Variants in RPS6KA5 observed in about 807,000 individuals in gnomAD.
The protein encoded by RPS6KA5 is ribosomal protein S6 kinase A5.
A neutral mutation model predicts 85.5 loss-of-function variants in RPS6KA5; 27 were observed. That is an observed-to-expected ratio of 0.32 (90% CI 0.23 to 0.44). The LOEUF (loss-of-function observed/expected upper bound fraction) is 0.44. Among genes scored for constraint, RPS6KA5 ranks in the 20% least tolerant of loss-of-function variants. The pLI is 1.00. For missense variants in RPS6KA5, 811 were observed against 980.9 expected (o/e 0.83, Z 2.31); for synonymous variants, 334 against 348.2 (o/e 0.96, Z 0.46).
Position 90,871,972 on chromosome 14 carries a change from A to C in RPS6KA5, c.*102T>G. The C allele has an allele frequency of 2.1e-6, 3 of 1,455,994 alleles. No individual in the cohort carries two copies. The East Asian group carries it at 6.8e-5, about 33-fold the overall frequency. 90.2% of individuals were successfully genotyped at this position (1,455,994 alleles called of 1,614,324 possible). On this transcript the variant is annotated 3_prime_UTR_variant, in exon 17 of 17. Coordinates refer to ENST00000614987, the MANE Select transcript of RPS6KA5 (RefSeq NM_004755.4). ...AAAAAATCATTAGGAGGCAGATTCCAATGAGACCAACGGGAAACATTTTTA... is the reference window on the plus strand; with the variant it reads ...AAAAAATCATTAGGAGGCAGATTCCCATGAGACCAACGGGAAACATTTTTA...
chr14:91,050,316 A>C (rs1209582259), intron 1 of RPS6KA5, among the ~76,000 whole-genome samples: 3 of 152,194 alleles, frequency 2.0e-5, no homozygotes, highest in African/African-American at 7.2e-5. Flanking sequence ...AAGAGTTTGA[A>C]GCTGCGGTGA....
chr14:90,859,164 C>T lies in RPS6KA5; in HGVS notation c.*12910G>A, dbSNP rs1203136574. Reference sequence around the variant, plus strand: ...CCATATGCTAGGAGTAAGAGCAAAACTGAAATGTACAAGCCCAACAAAGTC... The same window carrying T: ...CCATATGCTAGGAGTAAGAGCAAAATTGAAATGTACAAGCCCAACAAAGTC... On this transcript the variant is annotated 3_prime_UTR_variant, in exon 17 of 17. Transcript: ENST00000614987. The T allele has an allele frequency of 6.6e-6, 1 of 152,194 alleles. No homozygotes were observed. Among genetic ancestry groups the T allele is most frequent in the Non-Finnish European group, 1.5e-5 (1 of 68,048 alleles). The allele number at this position is 152,194 out of a possible 1,614,324, so 9.4% of individuals were successfully genotyped here.
chr14:90,978,799 A>G (rs1235196192), intron 2 of RPS6KA5, among the ~76,000 whole-genome samples: 1 of 152,180 alleles, frequency 6.6e-6, no homozygotes, highest in Non-Finnish European at 1.5e-5. Flanking sequence ...TTTTAGCTGT[A>G]GAAAACTAGC....
chr14:91,055,938 G>A (rs1032394613), intron 1 of RPS6KA5, among the ~76,000 whole-genome samples: 1 of 152,160 alleles, frequency 6.6e-6, no homozygotes, highest in Non-Finnish European at 1.5e-5. Context: ...AAGCCATCTC[G>A]GAAGGGGAAT....
chr14:91,014,095 T>C (rs1016799313), intron 1 of RPS6KA5, among the ~76,000 whole-genome samples: 8 of 152,216 alleles, frequency 5.3e-5, no homozygotes, highest in African/African-American at 1.7e-4. Context: ...TAGCATCTGT[T>C]AAAACTCACA....
At chr14:90,904,143 G>A (rs1453620862) in intron 8 of RPS6KA5, among the ~76,000 whole-genome samples, 4 of 152,108 alleles carry the variant, frequency 2.6e-5, no homozygotes, top group Non-Finnish European at 4.4e-5. Context: ...CAGAGACAGG[G>A]TTTCACTGTG....
At chr14:91,037,805 C>G (rs1448561074) in intron 1 of RPS6KA5, among the ~76,000 whole-genome samples, 1 of 152,200 alleles carries the variant, frequency 6.6e-6, no homozygotes, top group East Asian at 1.9e-4. Flanking sequence ...AATAAATTCT[C>G]CCTTATTCAT....
At chr14:90,909,972 C>T (rs1311666526) in intron 7 of RPS6KA5, among the ~76,000 whole-genome samples, 6 of 151,996 alleles carry the variant, frequency 3.9e-5, no homozygotes, top group African/African-American at 1.4e-4. Context: ...GATGGGGTTT[C>T]GCCATATTGG....
chr14:90,972,412 T>C (rs1426375222), intron 3 of RPS6KA5, among the ~76,000 whole-genome samples: 1 of 152,192 alleles, frequency 6.6e-6, no homozygotes, highest in East Asian at 1.9e-4. Context: ...ATAGTACTGG[T>C]ACATGACTTA....
intron 3 of RPS6KA5, among the ~76,000 whole-genome samples, chr14:90,976,694 T>C (rs61987420): frequency 0.011 from 1,729 of 152,208 alleles, 19 homozygotes; most frequent in Non-Finnish European, 0.02. Context: ...AAGGGCCAAA[T>C]TATATTGACT....
At chr14:90,984,462 G>A (rs1292827968) in intron 2 of RPS6KA5, among the ~76,000 whole-genome samples, 8 of 152,202 alleles carry the variant, frequency 5.3e-5, no homozygotes, top group Admixed American at 2.6e-4. Flanking sequence ...CATTTCTATA[G>A]GTTGGAAGAA....
At chr14:91,049,978 T>C (rs2043010195) in intron 1 of RPS6KA5, among the ~76,000 whole-genome samples, 2 of 152,240 alleles carry the variant, frequency 1.3e-5, no homozygotes, top group Admixed American at 6.5e-5. Flanking sequence ...CTACATGCAG[T>C]CTGCCATTGA....
intron 3 of RPS6KA5, among the ~76,000 whole-genome samples, chr14:90,972,175 C>T (rs1243784790): frequency 6.6e-6 from 1 of 152,158 alleles, no homozygotes; most frequent in Non-Finnish European, 1.5e-5. Context: ...TGTCAAGTCT[C>T]CCTAAATTAA....
chr14:90,853,045 T>G lies in RPS6KA5; in HGVS notation c.*19029A>C, dbSNP rs1158441850. 1 of 152,132 alleles carries G rather than the reference T, an allele frequency of 6.6e-6. No homozygotes were observed. Among genetic ancestry groups the G allele is most frequent in the Non-Finnish European group, 1.5e-5 (1 of 68,020 alleles). The allele number at this position is 152,132 out of a possible 1,614,324, so 9.4% of individuals were successfully genotyped here. On this transcript the variant is annotated 3_prime_UTR_variant, in exon 17 of 17. Coordinates refer to ENST00000614987, the MANE Select transcript of RPS6KA5 (RefSeq NM_004755.4). ...CGTGCCCGGCCTGGGAGAAACATTT[T>G]TAAGTGTGCAAAGCAGTCACAATGA... is the stretch of plus-strand genomic sequence containing the variant.
chr14:91,041,059 T>TTTTTTTC (rs915083997), intron 1 of RPS6KA5, among the ~76,000 whole-genome samples: 2 of 152,284 alleles, frequency 1.3e-5, no homozygotes, highest in East Asian at 1.9e-4. Flanking sequence ...CAGAGAATTT[T>TTTTTTTC]TTTTTTCTTT....
chr14:91,044,359 GAAAGAGAAAGAAAGAAGGAA>G (rs1279465890), intron 1 of RPS6KA5, among the ~76,000 whole-genome samples: 10 of 15,702 alleles, frequency 6.4e-4, no homozygotes, highest in African/African-American at 1.0e-3. Flanking sequence ...AAGAAAGAAA[GAAAGAGAAAGAAAGAAGGAA>G]AGAAAGAAAG....
intron 14 of RPS6KA5, among the ~76,000 whole-genome samples, chr14:90,887,587 T>C (rs1248313360): frequency 1.3e-5 from 2 of 152,088 alleles, no homozygotes; most frequent in African/African-American, 4.8e-5. Flanking sequence ...AATATTCAAA[T>C]TTCCCTAGCT....
Position 90,937,640 on chromosome 14 carries a change from T to C in RPS6KA5, c.618+5438A>G, listed in dbSNP as rs114918474. 4.6e-3 allele frequency among the ~76,000 whole-genome samples: 707 copies of C among 152,218 alleles called. 4 individuals are homozygous for C. The highest frequency in any genetic ancestry group is 0.027 in the Middle Eastern group (8 of 294). ...TAATGGGCTCACAGTTCCACGTGGC[T>C]GGGGAGGTCTTGCAATCATGGTGGA... is the stretch of plus-strand genomic sequence containing the variant. On this transcript the variant is annotated intron_variant, in intron 5 of 16. Transcript: ENST00000614987.
intron 3 of RPS6KA5, among the ~76,000 whole-genome samples, chr14:90,964,352 T>A (rs1343482364): frequency 1.3e-5 from 2 of 151,930 alleles, no homozygotes; most frequent in African/African-American, 4.8e-5. Context: ...TTTCAAAGAC[T>A]GAAAAAAATA....
Sources: gnomAD v4.1 joint callset for allele counts (sites outside exome capture counted in the v4.1 genomes callset) on GRCh38, gnomAD v4.1.1 for gene constraint, MANE v1.5 for transcripts, NCBI Gene and HGNC (gene_info 2026-07-23, HGNC 2026-07-21) for gene names.